The following SGCD variants were observed in gnomAD, a reference collection of about 807,000 sequenced individuals.
The protein encoded by SGCD is delta-sarcoglycan.
A neutral mutation model predicts 36.6 loss-of-function variants in SGCD; 18 were observed. That is an observed-to-expected ratio of 0.49 (90% CI 0.34 to 0.73). The LOEUF (loss-of-function observed/expected upper bound fraction) is 0.73. Among genes scored for constraint, SGCD ranks in the 30% least tolerant of loss-of-function variants. SGCD has a pLI of 0.01. For missense variants in SGCD, 387 were observed against 346.7 expected (o/e 1.12, Z -0.92); for synonymous variants, 133 against 130.6 (o/e 1.02, Z -0.12).
chr5:156,564,151 A>G (rs1759381252), intron 4 of SGCD, among the ~76,000 whole-genome samples: 1 of 152,182 alleles, frequency 6.6e-6, no homozygotes, highest in Non-Finnish European at 1.5e-5. Flanking sequence ...TAAATTTCTT[A>G]AAAATTTTTA....
At chr5:156,473,341 T>C (rs1372862600) in intron 3 of SGCD, among the ~76,000 whole-genome samples, 1 of 152,176 alleles carries the variant, frequency 6.6e-6, no homozygotes, top group East Asian at 1.9e-4. Flanking sequence ...GCAAATATTA[T>C]AAATTAAAAA....
chr5:155,816,711 G>C, the SGCD span, among the ~76,000 whole-genome samples: 2 of 152,126 alleles, frequency 1.3e-5, no homozygotes, highest in African/African-American at 4.8e-5. Flanking sequence ...ACATGTGAGA[G>C]CTTATGGATT....
intron 3 of SGCD, among the ~76,000 whole-genome samples, chr5:156,396,378 G>T (rs190028160): frequency 1.0e-3 from 157 of 152,292 alleles, no homozygotes; most frequent in African/African-American, 3.4e-3. Context: ...TGAGAAAACT[G>T]CTGGGTTGCC....
At chr5:156,672,314 C>G (rs1336450828) in intron 7 of SGCD, among the ~76,000 whole-genome samples, 1 of 152,136 alleles carries the variant, frequency 6.6e-6, no homozygotes, top group Non-Finnish European at 1.5e-5. Context: ...ATCACAGATT[C>G]CAGAGTTAAC....
At chr5:155,876,199 C>G (rs1400779466) in intron 1 of SGCD, among the ~76,000 whole-genome samples, 2 of 106,496 alleles carry the variant, frequency 1.9e-5, no homozygotes, top group African/African-American at 3.6e-5. Context: ...TCCCTCCCCC[C>G]TCCCCCCACC....
chr5:155,940,121 G>T (rs190742833), intron 1 of SGCD, among the ~76,000 whole-genome samples: 2 of 152,268 alleles, frequency 1.3e-5, no homozygotes, highest in Admixed American at 1.3e-4. Context: ...ATAGGCGTGA[G>T]CCATCACACC....
chr5:155,946,667 A>C (rs986418535), intron 1 of SGCD, among the ~76,000 whole-genome samples: 1 of 152,196 alleles, frequency 6.6e-6, no homozygotes, highest in Non-Finnish European at 1.5e-5. Context: ...GTAGTTCAAA[A>C]GTTACTGTTT....
chr5:156,506,308 G>A (rs1055639772), intron 3 of SGCD, among the ~76,000 whole-genome samples: 1 of 151,744 alleles, frequency 6.6e-6, no homozygotes, highest in East Asian at 1.9e-4. Flanking sequence ...CTGAATTTGA[G>A]TTAAAGTTTC....
chr5:156,286,948 CAAATATTT>C (rs1242699322), intron 3 of SGCD, among the ~76,000 whole-genome samples: 3 of 151,972 alleles, frequency 2.0e-5, no homozygotes, highest in African/African-American at 7.3e-5. Context: ...ATTTATTCAA[CAAATATTT>C]ATTGATCACT....
chr5:156,266,038 G>C (rs10079342), intron 3 of SGCD, among the ~76,000 whole-genome samples: 1,642 of 152,292 alleles, frequency 0.011, 21 homozygotes, highest in African/African-American at 0.038. Flanking sequence ...AATTGTACTT[G>C]TTAGAAATAT....
At chr5:156,188,081 C>G (rs1338140196) in intron 3 of SGCD, among the ~76,000 whole-genome samples, 1 of 152,156 alleles carries the variant, frequency 6.6e-6, no homozygotes, top group South Asian at 2.1e-4. Context: ...GTAAGTGTTT[C>G]CTTACATTTT....
chr5:155,795,269 A>G, the SGCD span, among the ~76,000 whole-genome samples: 19 of 152,284 alleles, frequency 1.2e-4, no homozygotes, highest in Non-Finnish European at 2.2e-4. Context: ...TTGACTGTAC[A>G]AAGCAATGAT....
At chr5:156,298,760 T>C (rs1328983846) in intron 3 of SGCD, among the ~76,000 whole-genome samples, 1 of 152,032 alleles carries the variant, frequency 6.6e-6, no homozygotes, top group African/African-American at 2.4e-5. Context: ...GAGAAATGTC[T>C]ATTCAGATAT....
At chr5:155,995,367 T>C (rs528752400) in intron 1 of SGCD, among the ~76,000 whole-genome samples, 1 of 152,254 alleles carries the variant, frequency 6.6e-6, no homozygotes, top group South Asian at 2.1e-4. Context: ...TATATAACAA[T>C]AGCAAATAGA....
At chr5:155,957,198 G>T (rs1023028247) in intron 1 of SGCD, among the ~76,000 whole-genome samples, 1 of 152,012 alleles carries the variant, frequency 6.6e-6, no homozygotes, top group African/African-American at 2.4e-5. Context: ...ATGGAGGGAA[G>T]AGAAGTGGGG....
At chr5:156,454,070 G>A (rs553318958) in intron 3 of SGCD, among the ~76,000 whole-genome samples, 27 of 152,240 alleles carry the variant, frequency 1.8e-4, no homozygotes, top group Non-Finnish European at 3.1e-4. Flanking sequence ...AAAACTCATT[G>A]CATTGCATAC....
At chr5:156,620,559 T>G (rs1296130100) in intron 6 of SGCD, among the ~76,000 whole-genome samples, 1 of 151,984 alleles carries the variant, frequency 6.6e-6, no homozygotes, top group Non-Finnish European at 1.5e-5. Context: ...ACTACAGAGG[T>G]GTTCGGGAGA....
At chr5:156,218,015 T>C (rs1487024205) in intron 3 of SGCD, among the ~76,000 whole-genome samples, 2 of 152,158 alleles carry the variant, frequency 1.3e-5, no homozygotes, top group Non-Finnish European at 2.9e-5. Flanking sequence ...TAGCCATACC[T>C]GTAATACCAG....
intron 1 of SGCD, among the ~76,000 whole-genome samples, chr5:155,968,573 T>C (rs1004199580): frequency 1.4e-4 from 21 of 152,044 alleles, no homozygotes; most frequent in African/African-American, 5.1e-4. Context: ...TCTCTTATAG[T>C]GTGTAATTTC....
Sources: gnomAD v4.1 joint callset for allele counts (sites outside exome capture counted in the v4.1 genomes callset) on GRCh38, gnomAD v4.1.1 for gene constraint, MANE v1.5 for transcripts, NCBI Gene and HGNC (gene_info 2026-07-23, HGNC 2026-07-21) for gene names.